The following LRRTM4 variants were observed in gnomAD, a reference collection of about 807,000 sequenced individuals.
LRRTM4 encodes the protein leucine-rich repeat transmembrane neuronal protein 4.
A neutral mutation model predicts 47.6 loss-of-function variants in LRRTM4; 25 were observed. The observed-to-expected ratio is 0.53, with a 90% CI of 0.38 to 0.73. The LOEUF (loss-of-function observed/expected upper bound fraction) is 0.73, where lower values mean the gene tolerates loss of function less well. LRRTM4 is among the 30% of genes least tolerant of loss of function. The pLI, the probability that LRRTM4 is intolerant of heterozygous loss-of-function variation, is 0.00. For missense variants in LRRTM4, 638 were observed against 713.4 expected, an observed-to-expected ratio of 0.89 and a Z score of 1.20; for synonymous variants, 311 against 269.5, an observed-to-expected ratio of 1.15 and a Z score of -1.51.
chr2:76,934,448 T>A (rs932536081), intron 3 of LRRTM4, among the ~76,000 whole-genome samples: 1 of 152,288 alleles, frequency 6.6e-6, no homozygotes, highest in East Asian at 1.9e-4. Context: ...GATGTCTCCA[T>A]TGTAAAATTC....
intron 3 of LRRTM4, among the ~76,000 whole-genome samples, chr2:77,011,326 T>C (rs1046326612): frequency 6.6e-6 from 1 of 152,172 alleles, no homozygotes; most frequent in African/African-American, 2.4e-5. Flanking sequence ...TCAGACTAGT[T>C]GCATTTATGT....
intron 3 of LRRTM4, among the ~76,000 whole-genome samples, chr2:77,435,410 C>T (rs1414908286): frequency 6.6e-6 from 1 of 152,156 alleles, no homozygotes; most frequent in East Asian, 1.9e-4. Flanking sequence ...AAAGAAATTG[C>T]TGTATTGCTT....
chr2:77,264,762 T>C (rs78166593), intron 3 of LRRTM4, among the ~76,000 whole-genome samples: 8,800 of 152,156 alleles, frequency 0.058, 913 homozygotes, highest in African/African-American at 0.2. Context: ...AGGCCCCTTA[T>C]ATAAACACAC....
chr2:76,892,078 T>A (rs1414348328), intron 3 of LRRTM4, among the ~76,000 whole-genome samples: 1 of 151,878 alleles, frequency 6.6e-6, no homozygotes, highest in African/African-American at 2.4e-5. Flanking sequence ...GTTATATTAC[T>A]AAAACTGAAT....
In LRRTM4 at chr2:77,179,440, G is replaced by A. The variant is rs577959373; in HGVS notation, c.1551+338878C>T. Among the ~76,000 whole-genome samples, 23 of 152,214 alleles carry A rather than the reference G, an allele frequency of 1.5e-4. No individual in the cohort carries two copies. In the South Asian group the frequency reaches 4.8e-3, roughly 32 times the overall value. ...TAACTTTTTCCCTTGTGTGTTGCTT[G>A]GGCTTTTGCTGAATAATATTATGTG... is the stretch of plus-strand genomic sequence containing the variant. On this transcript the variant is annotated intron_variant, in intron 3 of 3. Coordinates refer to ENST00000409884, the MANE Select transcript of LRRTM4 (RefSeq NM_001134745.3).
intron 3 of LRRTM4, among the ~76,000 whole-genome samples, chr2:76,942,900 C>T (rs531798733): frequency 6.6e-6 from 1 of 152,004 alleles, no homozygotes; most frequent in South Asian, 2.1e-4. Context: ...TTGATACTGC[C>T]AATAATTAAG....
At chr2:77,420,908 A>G in intron 3 of LRRTM4, among the ~76,000 whole-genome samples, 1 of 147,948 alleles carries the variant, frequency 6.8e-6, no homozygotes, top group Non-Finnish European at 1.5e-5. Context: ...CTTAAGACTA[A>G]TGAGCACCTC....
At chr2:77,120,696 GAAAATACATATATTTTTAT>G (rs1177700923) in intron 3 of LRRTM4, among the ~76,000 whole-genome samples, 3 of 151,620 alleles carry the variant, frequency 2.0e-5, no homozygotes, top group Non-Finnish European at 4.4e-5. Flanking sequence ...TGACAGTGCT[GAAAATACATATATTTTTAT>G]AAAGGACAAT....
intron 3 of LRRTM4, among the ~76,000 whole-genome samples, chr2:77,340,120 C>T (rs80301225): frequency 6.6e-6 from 1 of 151,818 alleles, no homozygotes; most frequent in South Asian, 2.1e-4. Context: ...GGAAAGATTG[C>T]ATGGAGTAAA....
In LRRTM4 at chr2:76,966,236, G is replaced by A. The variant is rs147196246; in HGVS notation, c.1552-217320C>T. Among the ~76,000 whole-genome samples the A allele has an allele frequency of 3.9e-3, 591 of 151,420 alleles. 4 individuals are homozygous for A. The highest frequency in any genetic ancestry group is 0.013 in the African/African-American group (526 of 41,440). On this transcript the variant is annotated intron_variant, in intron 3 of 3. Coordinates refer to ENST00000409884, the MANE Select transcript of LRRTM4 (RefSeq NM_001134745.3). ...TGAAAGAGGAAGAAAAGAAATGGAG[G>A]GGAGGAGAAAGGAGGAATTCTAGTA...
intron 3 of LRRTM4, among the ~76,000 whole-genome samples, chr2:76,783,453 T>C (rs1253441294): frequency 6.6e-6 from 1 of 152,194 alleles, no homozygotes. Flanking sequence ...GAAATACATT[T>C]ACATTGTTGT....
chr2:77,330,573 G>T (rs1670938232), intron 3 of LRRTM4, among the ~76,000 whole-genome samples: 1 of 152,108 alleles, frequency 6.6e-6, no homozygotes, highest in East Asian at 1.9e-4. Flanking sequence ...AATTCCTACA[G>T]CATTGGAAAT....
chr2:77,446,734 T>C (rs981345007), intron 3 of LRRTM4, among the ~76,000 whole-genome samples: 2 of 152,084 alleles, frequency 1.3e-5, no homozygotes, highest in Non-Finnish European at 2.9e-5. Context: ...TGTAAAATCA[T>C]GATGCGCTTC....
At chr2:77,326,277 A>C (rs370028145) in intron 3 of LRRTM4, among the ~76,000 whole-genome samples, 82 of 152,340 alleles carry the variant, frequency 5.4e-4, no homozygotes, top group African/African-American at 1.9e-3. Flanking sequence ...ACTTGTATGA[A>C]ATAAATGTAT....
At chr2:76,941,987 T>G (rs1675160107) in intron 3 of LRRTM4, among the ~76,000 whole-genome samples, 1 of 152,194 alleles carries the variant, frequency 6.6e-6, no homozygotes. Flanking sequence ...GCTTCCTGAC[T>G]TTTTAATGAT....
intron 3 of LRRTM4, among the ~76,000 whole-genome samples, chr2:76,836,731 T>A (rs530650408): frequency 7.9e-5 from 12 of 152,088 alleles, no homozygotes; most frequent in Non-Finnish European, 1.3e-4. Flanking sequence ...GTAGCACAGC[T>A]GGGATTTCTA....
chr2:76,906,065 T>C (rs1274668444), intron 3 of LRRTM4, among the ~76,000 whole-genome samples: 1 of 151,772 alleles, frequency 6.6e-6, no homozygotes, highest in Non-Finnish European at 1.5e-5. Flanking sequence ...AAAGTTGAAA[T>C]GAAGGAAAAA....
chr2:76,901,600 A>C (rs187912941), intron 3 of LRRTM4, among the ~76,000 whole-genome samples: 8 of 151,972 alleles, frequency 5.3e-5, no homozygotes, highest in Non-Finnish European at 8.8e-5. Context: ...GTAAAAAAAA[A>C]TTTTTAAAGA....
Position 77,010,741 on chromosome 2 carries a change from G to C in LRRTM4, c.1552-261825C>G, listed in dbSNP as rs1039692803. 4.6e-5 allele frequency among the ~76,000 whole-genome samples: 7 copies of C among 152,034 alleles called. No homozygotes were observed. In the East Asian group the frequency reaches 1.3e-3, roughly 29 times the overall value. ...TGCCCAGGATGTAAAAAAAGTGGCT[G>C]ATACTTAGATGATACTTGGAGAATA... On this transcript the variant is annotated intron_variant, in intron 3 of 3. Transcript: ENST00000409884.
Sources: gnomAD v4.1 joint callset for allele counts (sites outside exome capture counted in the v4.1 genomes callset) on GRCh38, gnomAD v4.1.1 for gene constraint, MANE v1.5 for transcripts, NCBI Gene and HGNC (gene_info 2026-07-23, HGNC 2026-07-21) for gene names.